The following RUNX2 variants were observed in gnomAD, a reference collection of about 807,000 sequenced individuals.
RUNX2 encodes runt-related transcription factor 2.
In RUNX2, 10 loss-of-function variants were observed where a neutral mutation model predicts 51.7. That is an observed-to-expected ratio of 0.19 (90% CI 0.12 to 0.33). RUNX2 has a LOEUF of 0.33. RUNX2 is among the 10% of genes least tolerant of loss of function. The pLI is 1.00. For synonymous variants in RUNX2, 276 were observed against 273.6 expected (o/e 1.01, Z -0.09); for missense variants, 562 against 691.3 (o/e 0.81, Z 2.10).
At chr6:45,402,416 GC>G (rs997621305) in intron 2 of RUNX2, among the ~76,000 whole-genome samples, 2 of 152,134 alleles carry the variant, frequency 1.3e-5, no homozygotes, top group Non-Finnish European at 2.9e-5. Context: ...ATTTTAAAGA[GC>G]CCTGAAATGT....
intron 6 of RUNX2, 42 bp downstream of exon 6, chr6:45,492,156 G>A (rs1800500126): frequency 6.2e-7 from 1 of 1,603,794 alleles, no homozygotes; most frequent in Non-Finnish European, 8.5e-7. Flanking sequence ...GACGCTGGCA[G>A]GCTGGGGGTG....
intron 2 of RUNX2, among the ~76,000 whole-genome samples, chr6:45,337,647 A>G (rs558575828): frequency 4.6e-5 from 7 of 151,852 alleles, no homozygotes; most frequent in Non-Finnish European, 1.0e-4. Context: ...TTTAACCTTT[A>G]TAGGAATGCT....
chr6:45,506,606 G>A (rs912497396), intron 6 of RUNX2, among the ~76,000 whole-genome samples: 1 of 152,114 alleles, frequency 6.6e-6, no homozygotes, highest in Non-Finnish European at 1.5e-5. Context: ...TAAAAAGAAT[G>A]AATTATAGTT....
intron 5 of RUNX2, among the ~76,000 whole-genome samples, chr6:45,474,695 G>A (rs1799906184): frequency 6.6e-6 from 1 of 152,068 alleles, no homozygotes; most frequent in Non-Finnish European, 1.5e-5. Context: ...TATCCTAGAG[G>A]AAGAAGGCAA....
intron 4 of RUNX2, among the ~76,000 whole-genome samples, chr6:45,432,411 T>C (rs1798567678): frequency 6.6e-6 from 1 of 152,170 alleles, no homozygotes; most frequent in African/African-American, 2.4e-5. Flanking sequence ...TTGGTCTAAG[T>C]TGTAGCAAGG....
intron 2 of RUNX2, among the ~76,000 whole-genome samples, chr6:45,359,242 C>T (rs1367402161): frequency 1.3e-5 from 2 of 152,084 alleles, no homozygotes; most frequent in African/African-American, 4.8e-5. Context: ...GATCTAGAAA[C>T]TTAAACATTT....
chr6:45,409,156 A>T (rs1279420298), intron 2 of RUNX2, among the ~76,000 whole-genome samples: 2 of 152,172 alleles, frequency 1.3e-5, no homozygotes, highest in African/African-American at 4.8e-5. Flanking sequence ...GCAAATATTC[A>T]TTGCACCTGG....
At chr6:45,381,367 A>C (rs1797238051) in intron 2 of RUNX2, among the ~76,000 whole-genome samples, 1 of 152,210 alleles carries the variant, frequency 6.6e-6, no homozygotes, top group Non-Finnish European at 1.5e-5. Context: ...TGGATACTAA[A>C]GTTGTGCAGA....
At chr6:45,394,703 A>G (rs757450398) in intron 2 of RUNX2, among the ~76,000 whole-genome samples, 7 of 152,112 alleles carry the variant, frequency 4.6e-5, no homozygotes, top group Non-Finnish European at 8.8e-5. Context: ...GGCTGGGGTT[A>G]TGTATTTCTC....
rs1490116502 is a variant in RUNX2, at chr6:45,422,589, G to A, written c.59-4G>A. The stretch of plus-strand genomic sequence containing the variant: ...TGTGGCTGTTGTGATGCGTATTCCC[G>A]TAGATCCGAGCACCAGCCGGCGCTT... On this transcript the variant is annotated splice_polypyrimidine_tract_variant and splice_region_variant and intron_variant, in intron 2 of 8. Transcript: ENST00000647337. 6.3e-7 allele frequency: 1 copy of A among 1,588,978 alleles called. No individual in the cohort carries two copies. The highest frequency in any genetic ancestry group is 8.5e-7 in the Non-Finnish European group (1 of 1,169,836).
intron 2 of RUNX2, among the ~76,000 whole-genome samples, chr6:45,394,140 C>G (rs1157844205): frequency 6.6e-6 from 1 of 151,840 alleles, no homozygotes; most frequent in Non-Finnish European, 1.5e-5. Flanking sequence ...CGTGATCCGC[C>G]CTCCTCGTGA....
rs1415357136 is a variant in RUNX2 at position 45,549,753 on chromosome 6, A to G, written c.*2448A>G. 6.0e-6 allele frequency: 1 copy of G among 165,554 alleles called. No homozygotes were observed. The highest frequency in any genetic ancestry group is 1.3e-5 in the Non-Finnish European group (1 of 76,950). The allele number at this position is 165,554 out of a possible 1,614,324, so 10.3% of individuals were successfully genotyped here. On this transcript the variant is annotated 3_prime_UTR_variant, in exon 9 of 9. Coordinates refer to ENST00000647337, the MANE Select transcript of RUNX2 (RefSeq NM_001024630.4). ...ATTTGTACATTATTTTTTAATGTTA[A>G]AAGGGCTTTTTTAAGTTTACAGTAC...
chr6:45,358,117 C>T (rs554036025), intron 2 of RUNX2, among the ~76,000 whole-genome samples: 3 of 149,256 alleles, frequency 2.0e-5, no homozygotes, highest in Admixed American at 6.6e-5. Context: ...AATCAATGAC[C>T]GTGTTAAAAT....
intron 2 of RUNX2, among the ~76,000 whole-genome samples, chr6:45,381,395 G>A (rs568239049): frequency 3.9e-5 from 6 of 152,248 alleles, no homozygotes; most frequent in Admixed American, 1.3e-4. Context: ...CAGCATTTGT[G>A]CTACAAAAAT....
intron 7 of RUNX2, among the ~76,000 whole-genome samples, chr6:45,536,377 G>C (rs187990700): frequency 1.2e-3 from 185 of 152,252 alleles, no homozygotes; most frequent in African/African-American, 4.4e-3. Flanking sequence ...CATGGATTGC[G>C]TTAGGCCTGG....
chr6:45,410,734 G>A (rs114027588), intron 2 of RUNX2, among the ~76,000 whole-genome samples: 275 of 152,162 alleles, frequency 1.8e-3, no homozygotes, highest in African/African-American at 6.2e-3. Flanking sequence ...TAACCAAGAC[G>A]GAAAAAAAAT....
chr6:45,429,976 C>T (rs1582103011), intron 3 of RUNX2, among the ~76,000 whole-genome samples: 2 of 152,098 alleles, frequency 1.3e-5, no homozygotes, highest in African/African-American at 4.8e-5. Flanking sequence ...CACCTGTAAT[C>T]CCAGCTACTC....
At chr6:45,533,540 T>A (rs954636455) in intron 7 of RUNX2, among the ~76,000 whole-genome samples, 2 of 152,210 alleles carry the variant, frequency 1.3e-5, no homozygotes, top group African/African-American at 4.8e-5. Flanking sequence ...TGCAGAAGTT[T>A]TGAGTTAATT....
intron 7 of RUNX2, among the ~76,000 whole-genome samples, chr6:45,518,437 T>G (rs1319344558): frequency 1.3e-5 from 2 of 152,218 alleles, no homozygotes; most frequent in Non-Finnish European, 2.9e-5. Context: ...TAATCTTACC[T>G]GGACCTCCGT....
Sources: allele counts gnomAD v4.1 joint callset (sites outside exome capture counted in the v4.1 genomes callset), GRCh38; gene constraint gnomAD v4.1.1; transcripts MANE v1.5; gene names NCBI Gene and HGNC (gene_info 2026-07-23, HGNC 2026-07-21).